The following EVC2 variants were observed in gnomAD, a reference collection of about 807,000 sequenced individuals.
EVC2 encodes EvC ciliary complex subunit 2.
In EVC2, 148 loss-of-function variants were observed where a neutral mutation model predicts 149.3. The ratio of observed to expected loss-of-function variants is 0.99; its 90% CI spans 0.87 to 1.14. The LOEUF is 1.14. EVC2 is among the 50% of genes most tolerant of loss of function. The pLI, the probability that EVC2 is intolerant of heterozygous loss-of-function variation, is 0.00. For synonymous variants in EVC2, 776 were observed against 649.9 expected, an observed-to-expected ratio of 1.19 and a Z score of -2.95; for missense variants, 1,854 against 1,627.3, an observed-to-expected ratio of 1.14 and a Z score of -2.40.
chr4:5,677,310 A>G lies in EVC2; in HGVS notation c.870+3950T>C, dbSNP rs1720054666. 6.6e-6 allele frequency among the ~76,000 whole-genome samples: 1 copy of G among 152,164 alleles called. No homozygotes were observed. Among genetic ancestry groups the G allele is most frequent in the South Asian group, 2.1e-4 (1 of 4,834 alleles). On this transcript the variant is annotated intron_variant, in intron 7 of 21. Coordinates refer to ENST00000344408, the MANE Select transcript of EVC2 (RefSeq NM_147127.5). The surrounding 1 kb of genome is among the most constrained non-coding windows in gnomAD (Gnocchi z 4.3). ...AGTGGAGGGACAGGGATTCAAAGCC[A>G]GGCCTTATGGTCCAAGAGTCAGCTG... is the stretch of plus-strand genomic sequence containing the variant.
downstream of EVC2, among the ~76,000 whole-genome samples, chr4:5,539,583 T>C (rs1158641081): frequency 2.0e-5 from 3 of 152,116 alleles, no homozygotes; most frequent in East Asian, 1.9e-4. Context: ...GGTGTCAAAA[T>C]AAACAAATAG....
At chr4:5,617,821 T>C (rs1715369585) in intron 15 of EVC2, among the ~76,000 whole-genome samples, 1 of 152,086 alleles carries the variant, frequency 6.6e-6, no homozygotes, top group African/African-American at 2.4e-5. Flanking sequence ...GGTGGTTTCC[T>C]GAAGGAGGTC....
chr4:5,693,921 A>G (rs1281982136), intron 3 of EVC2, among the ~76,000 whole-genome samples: 1 of 152,232 alleles, frequency 6.6e-6, no homozygotes, highest in African/African-American at 2.4e-5. Context: ...ACTGTTTAAG[A>G]AACTCATAAT....
intron 7 of EVC2, among the ~76,000 whole-genome samples, chr4:5,668,044 T>C (rs41444046): frequency 0.011 from 1,744 of 152,294 alleles, 30 homozygotes; most frequent in African/African-American, 0.04. Context: ...ATGGAAAGCA[T>C]ATTATACCCC....
At chr4:5,705,000 T>C (rs1722044638) in intron 1 of EVC2, among the ~76,000 whole-genome samples, 1 of 152,152 alleles carries the variant, frequency 6.6e-6, no homozygotes, top group Non-Finnish European at 1.5e-5. Flanking sequence ...GTGAGCTTAT[T>C]TGACTAATAG....
chr4:5,606,457 G>A (rs1280564404), intron 16 of EVC2, among the ~76,000 whole-genome samples: 1 of 152,144 alleles, frequency 6.6e-6, no homozygotes, highest in Admixed American at 6.5e-5. Context: ...TTGATTAAAC[G>A]CAGCTGTTAA....
At chr4:5,626,256 C>T (rs1480096608) in intron 12 of EVC2, among the ~76,000 whole-genome samples, 4 of 151,510 alleles carry the variant, frequency 2.6e-5, no homozygotes, top group Non-Finnish European at 5.9e-5. Context: ...GTCAAAGAGG[C>T]AAAGGCAGGG....
chr4:5,691,248 C>T lies in EVC2; in HGVS notation c.519+17G>A, dbSNP rs1721101127. 6.2e-7 allele frequency: 1 copy of T among 1,607,574 alleles called. No individual in the cohort carries two copies. Among genetic ancestry groups the T allele is most frequent in the Non-Finnish European group, 8.5e-7 (1 of 1,174,216 alleles). Reference sequence around the variant, plus strand: ...AATTATTTTCTCTTCAAATATACACCACCAGTGGAAACTTACCAGTGCACA... The same window carrying T: ...AATTATTTTCTCTTCAAATATACACTACCAGTGGAAACTTACCAGTGCACA... On this transcript the variant is annotated intron_variant, in intron 4 of 21. Coordinates refer to ENST00000344408, the MANE Select transcript of EVC2 (RefSeq NM_147127.5).
At position 5,628,539 on chromosome 4, in the gene EVC2, G is replaced by A. The variant is rs1287369538; in HGVS notation, c.1886+20C>T. The A allele has an allele frequency of 6.2e-7, 1 of 1,613,814 alleles. No individual in the cohort carries two copies. Among genetic ancestry groups the A allele is most frequent in the Non-Finnish European group, 8.5e-7 (1 of 1,179,898 alleles). On this transcript the variant is annotated intron_variant, in intron 12 of 21. Coordinates refer to ENST00000344408, the MANE Select transcript of EVC2 (RefSeq NM_147127.5). ...ACAGACTAAGACAGTTCGCACTGTT[G>A]GGACAGTGTTGAGTGGTACCTCTCG...
chr4:5,543,069 C>T (rs1288526098), exon 22 of EVC2: 36 of 1,144,564 alleles, frequency 3.1e-5, no homozygotes, highest in Admixed American at 2.1e-4. Context: ...GAGGCTCCAA[C>T]GATTGCACTG....
chr4:5,588,565 T>G (rs762922674), intron 16 of EVC2, among the ~76,000 whole-genome samples: 1 of 152,156 alleles, frequency 6.6e-6, no homozygotes, highest in Non-Finnish European at 1.5e-5. Context: ...CATGGCTCAC[T>G]TTTCTCTGTT....
At chr4:5,680,435 G>A (rs1720262628) in intron 7 of EVC2, among the ~76,000 whole-genome samples, 1 of 152,136 alleles carries the variant, frequency 6.6e-6, no homozygotes, top group Admixed American at 6.5e-5. Context: ...TAGGTGACAG[G>A]AATTTTTCAG....
intron 16 of EVC2, among the ~76,000 whole-genome samples, chr4:5,596,401 C>T (rs1032058941): frequency 2.0e-5 from 3 of 152,160 alleles, no homozygotes; most frequent in African/African-American, 7.2e-5. Flanking sequence ...AACTAGAACT[C>T]AGGATTAAGA....
Position 5,574,619 on chromosome 4 carries a change from T to G in EVC2, c.3360+66A>C, listed in dbSNP as rs935083369. The G allele has an allele frequency of 1.0e-5, 15 of 1,498,564 alleles. No individual in the cohort carries two copies. The African/African-American group carries it at 1.7e-4, about 17-fold the overall frequency. The allele number at this position is 1,498,564 out of a possible 1,614,324, so 92.8% of individuals were successfully genotyped here. ...ATCCTGGAGGTGAGGAAATGTGGAT[T>G]CTGAGAAAAAGATGAAGTGACGTGC... On this transcript the variant is annotated intron_variant, in intron 19 of 21. Coordinates refer to ENST00000344408, the MANE Select transcript of EVC2 (RefSeq NM_147127.5).
intron 9 of EVC2, among the ~76,000 whole-genome samples, chr4:5,654,515 G>C (rs1718371177): frequency 6.6e-6 from 1 of 152,184 alleles, no homozygotes; most frequent in South Asian, 2.1e-4. Flanking sequence ...CTGCTCACCT[G>C]CCCTTTCTTT....
intron 17 of EVC2, among the ~76,000 whole-genome samples, chr4:5,581,786 A>G (rs1711827139): frequency 6.6e-6 from 1 of 152,212 alleles, no homozygotes; most frequent in Non-Finnish European, 1.5e-5. Flanking sequence ...GAGGCCTAGG[A>G]GGGAAGAATG....
intron 21 of EVC2, among the ~76,000 whole-genome samples, chr4:5,564,865 G>A (rs984940435): frequency 1.3e-5 from 2 of 152,200 alleles, no homozygotes; most frequent in Non-Finnish European, 2.9e-5. Flanking sequence ...TTTACCAGCT[G>A]TTGGCCTGGG....
chr4:5,628,833 A>T (rs1373084125), intron 11 of EVC2, 99 bp from the exon 12 acceptor site: 2 of 1,251,106 alleles, frequency 1.6e-6, no homozygotes, highest in South Asian at 1.4e-5. Context: ...TTATAAGAAA[A>T]TACACAAGAA....
rs1034505595 is a variant in EVC2 at position 5,696,017 on chromosome 4, G to A, written c.284-1516C>T. On this transcript the variant is annotated intron_variant, in intron 2 of 21. Coordinates refer to ENST00000344408, the MANE Select transcript of EVC2 (RefSeq NM_147127.5). The surrounding 1 kb of genome is among the most constrained non-coding windows in gnomAD (Gnocchi z 4.1). ...AAGGGCTCCAATTGCATCAAGCATC[G>A]GGGAACTGATGGCCCTCGCCATGGA... Among the ~76,000 whole-genome samples the A allele has an allele frequency of 4.6e-5, 7 of 152,244 alleles. No individual in the cohort carries two copies. Among genetic ancestry groups the A allele is most frequent in the Non-Finnish European group, 7.4e-5 (5 of 68,018 alleles).
Sources: allele counts gnomAD v4.1 joint callset (sites outside exome capture counted in the v4.1 genomes callset), GRCh38; gene constraint gnomAD v4.1.1; non-coding constraint Gnocchi (gnomAD v3.1); transcripts MANE v1.5; gene names NCBI Gene and HGNC (gene_info 2026-07-23, HGNC 2026-07-21).